The following ANO2 variants were observed in gnomAD, a reference collection of about 807,000 sequenced individuals.
The protein encoded by ANO2 is anoctamin-2.
A neutral mutation model predicts 124.2 loss-of-function variants in ANO2; 101 were observed. The observed-to-expected ratio is 0.81, with a 90% confidence interval of 0.69 to 0.96. The LOEUF is 0.96. ANO2 is among the 40% of genes least tolerant of loss of function. The pLI, the probability that ANO2 is intolerant of heterozygous loss-of-function variation, is 0.00. For missense variants in ANO2, 1,293 were observed against 1,274.5 expected, an observed-to-expected ratio of 1.01 and a Z score of -0.22; for synonymous variants, 486 against 482.5, an observed-to-expected ratio of 1.01 and a Z score of -0.09.
intron 7 of ANO2, among the ~76,000 whole-genome samples, chr12:5,812,970 GAGGA>G (rs1246884423): frequency 2.4e-4 from 29 of 118,450 alleles, no homozygotes; most frequent in African/African-American, 6.3e-4. Context: ...GAGAGGGAGG[GAGGA>G]AGGAAGGAAG....
At chr12:5,818,447 TTATATATATATATATATATATA>T (rs57443240) in intron 7 of ANO2, among the ~76,000 whole-genome samples, 1,587 of 82,944 alleles carry the variant, frequency 0.019, 82 homozygotes, top group African/African-American at 0.057. Flanking sequence ...TAAACTCATA[TTATATATATATATATATATATA>T]TATATATATA....
chr12:5,668,052 CCTTCGGGTATATA>C (rs1335662147), intron 14 of ANO2, among the ~76,000 whole-genome samples: 1 of 152,138 alleles, frequency 6.6e-6, no homozygotes, highest in African/African-American at 2.4e-5. Context: ...GATTTATATT[CCTTCGGGTATATA>C]CTCAGTAATG....
In ANO2 at chr12:5,851,917, G is replaced by T. The variant is rs1379010387; in HGVS notation, c.633+2126C>A. 4 of 737,502 alleles carry T rather than the reference G, an allele frequency of 5.4e-6. No homozygotes were observed. In the Admixed American group the frequency reaches 5.5e-5, roughly 10 times the overall value. 45.7% of individuals were successfully genotyped at this position (737,502 alleles called of 1,614,324 possible). On this transcript the variant is annotated intron_variant, in intron 4 of 24. Coordinates refer to ENST00000682330, the MANE Select transcript of ANO2 (RefSeq NM_001364791.2). ...GTTTCCCCTAAAAGGGTTACCCTGG[G>T]GGATGGAAATCATAACATGGGCATT... is the stretch of plus-strand genomic sequence containing the variant.
intron 19 of ANO2, among the ~76,000 whole-genome samples, chr12:5,610,758 T>C (rs1944491482): frequency 1.0e-5 from 1 of 95,660 alleles, no homozygotes; most frequent in South Asian, 2.9e-4. Context: ...ATAAATAACA[T>C]GGAAAAGGCC....
At chr12:5,857,817 G>GATAGATGC (rs1555174423) in intron 3 of ANO2, among the ~76,000 whole-genome samples, 1 of 147,976 alleles carries the variant, frequency 6.8e-6, no homozygotes, top group East Asian at 2.0e-4. Context: ...TAGATAGATA[G>GATAGATGC]ATGCCCACTG....
In ANO2 at chr12:5,739,334, C is replaced by T. The variant is rs1208690203; in HGVS notation, c.1417G>A (p.Gly473Ser). Residue 473 changes from glycine (G) to serine (S), a missense_variant, in exon 13 of 25, where the codon GGC (glycine) becomes AGC (serine). Physicochemically the swap from Gly to Ser is moderately conservative, Grantham distance 56. Coordinates refer to ENST00000682330, the MANE Select transcript of ANO2 (RefSeq NM_001364791.2). ...GAACTCACTTCTTCCTCTTCTATGC[C>T]AGTCAGGTCCCAAAAGTAGCCCAGT... The part of the protein sequence containing the change: ...MRLGYFWDLT[G>S]IEEEEEHSRP... 3.1e-6 allele frequency: 5 copies of T among 1,605,220 alleles called. No homozygotes were observed. The highest frequency in any genetic ancestry group is 4.3e-6 in the Non-Finnish European group (5 of 1,175,842).
chr12:5,715,780 A>G (rs1264257846), intron 14 of ANO2, among the ~76,000 whole-genome samples: 1 of 152,216 alleles, frequency 6.6e-6, no homozygotes, highest in African/African-American at 2.4e-5. Flanking sequence ...GCAAAGAGGA[A>G]CCCAGAAACC....
At chr12:5,827,597 C>T in intron 7 of ANO2, 172 bp downstream of exon 7, 1 of 733,254 alleles carries the variant, frequency 1.4e-6, no homozygotes, top group Non-Finnish European at 2.3e-6. Flanking sequence ...GAAATGGGAC[C>T]CCCGCTGCTC....
In ANO2 at chr12:5,729,621, T is replaced by G. The variant is rs182453974; in HGVS notation, c.1545+2899A>C. Among the ~76,000 whole-genome samples the G allele has an allele frequency of 2.5e-3, 382 of 151,890 alleles. 2 individuals are homozygous for G. The highest frequency in any genetic ancestry group is 8.8e-3 in the African/African-American group (364 of 41,400). On this transcript the variant is annotated intron_variant, in intron 14 of 24. Coordinates refer to ENST00000682330, the MANE Select transcript of ANO2 (RefSeq NM_001364791.2). ...TGGCAGTTCTTTAAAATGTTAAACA[T>G]AGAGTTACCATATGACCCAGCAATT...
At chr12:5,874,466 T>C (rs1424587559) in intron 3 of ANO2, among the ~76,000 whole-genome samples, 1 of 152,216 alleles carries the variant, frequency 6.6e-6, no homozygotes, top group Non-Finnish European at 1.5e-5. Flanking sequence ...GTGCTTCATA[T>C]TCAATCACTT....
chr12:5,896,247 T>C (rs1397878358), intron 3 of ANO2, among the ~76,000 whole-genome samples: 4 of 152,190 alleles, frequency 2.6e-5, no homozygotes, highest in Admixed American at 1.3e-4. Flanking sequence ...AAAAACCACC[T>C]GTACCACCAA....
rs368443338 is a variant in ANO2 at position 5,915,876 on chromosome 12, C to T, written c.534+5164G>A. ...CCCAAAGGAGGCGACGATTCATTCT[C>T]GATCCTTTTTTTCAGTGGCACACAA... On this transcript the variant is annotated intron_variant, in intron 3 of 24. Coordinates refer to ENST00000682330, the MANE Select transcript of ANO2 (RefSeq NM_001364791.2). 1.1e-4 allele frequency among the ~76,000 whole-genome samples: 16 copies of T among 152,326 alleles called. No homozygotes were observed. In the East Asian group the frequency reaches 1.4e-3, roughly 13 times the overall value.
At position 5,843,319 on chromosome 12, in the gene ANO2, G is replaced by A. The variant is rs144769692; in HGVS notation, c.634-10716C>T. On this transcript the variant is annotated intron_variant, in intron 4 of 24. Coordinates refer to ENST00000682330, the MANE Select transcript of ANO2 (RefSeq NM_001364791.2). ...AATCCCAGAACTTTGGGAGGCCAAGGTGGGCGGATCACTTGCGGTCAGGAG... is the reference window on the plus strand; with the variant it reads ...AATCCCAGAACTTTGGGAGGCCAAGATGGGCGGATCACTTGCGGTCAGGAG... 2.2e-3 allele frequency among the ~76,000 whole-genome samples: 337 copies of A among 152,284 alleles called. 3 individuals carry two copies. The highest frequency in any genetic ancestry group is 7.7e-3 in the African/African-American group (322 of 41,556).
intron 10 of ANO2, among the ~76,000 whole-genome samples, chr12:5,767,528 T>C (rs1013113067): frequency 6.6e-6 from 1 of 152,242 alleles, no homozygotes; most frequent in Non-Finnish European, 1.5e-5. Flanking sequence ...ATTCAGCATC[T>C]ATATGTGCCA....
At position 5,563,255 on chromosome 12, in the gene ANO2, C is replaced by G; in HGVS notation, c.*44G>C. 1 of 1,561,496 alleles carries G rather than the reference C, an allele frequency of 6.4e-7. No homozygotes were observed. The highest frequency in any genetic ancestry group is 8.6e-7 in the Non-Finnish European group (1 of 1,159,328). On this transcript the variant is annotated 3_prime_UTR_variant, in exon 25 of 25. Coordinates refer to ENST00000682330, the MANE Select transcript of ANO2 (RefSeq NM_001364791.2). Reference sequence around the variant, plus strand: ...GTAGGAACATGCTTACGTGCATGTGCGTGTCTCTGCTGCCGTGCCCTCCTC... The same window carrying G: ...GTAGGAACATGCTTACGTGCATGTGGGTGTCTCTGCTGCCGTGCCCTCCTC...
chr12:5,645,389 A>C (rs1229086985), intron 15 of ANO2, among the ~76,000 whole-genome samples: 1 of 152,102 alleles, frequency 6.6e-6, no homozygotes, highest in Non-Finnish European at 1.5e-5. Context: ...ACTCCGTCTC[A>C]AGAAAAAACA....
chr12:5,765,553 T>C (rs951066673), intron 10 of ANO2, among the ~76,000 whole-genome samples: 1 of 152,256 alleles, frequency 6.6e-6, no homozygotes, highest in Non-Finnish European at 1.5e-5. Flanking sequence ...AACCTGGGCA[T>C]GAATCTTGCC....
At position 5,787,446 on chromosome 12, in the gene ANO2, A is replaced by T. The variant is rs1952570383; in HGVS notation, c.1055+12061T>A. On this transcript the variant is annotated intron_variant, in intron 10 of 24. Coordinates refer to ENST00000682330, the MANE Select transcript of ANO2 (RefSeq NM_001364791.2). The surrounding 1 kb of genome is among the most constrained non-coding windows in gnomAD (Gnocchi z 4.2). ...GTGCCTTCCCCCAGCAGTGGGGCAT[A>T]CACATGGTGGAGAAGCCAGACTCAG... 6.6e-6 allele frequency among the ~76,000 whole-genome samples: 1 copy of T among 152,186 alleles called. No individual in the cohort carries two copies. The highest frequency in any genetic ancestry group is 1.5e-5 in the Non-Finnish European group (1 of 68,034).
rs138167836 is a variant in ANO2, at chr12:5,943,277, TTGTGTGTGTGTGTG to T, written c.22+1905_22+1918del. Among the ~76,000 whole-genome samples the T allele has an allele frequency of 1.5e-4, 23 of 148,476 alleles. 1 individual carries two copies. In the South Asian group the frequency reaches 3.4e-3, roughly 22 times the overall value. ...GGGATGTCTGTGTTTGAGTGTGTGT[TTGTGTGTGTGTGTG>T]TGTGTGTGTGTGTGTGTGTGTGTAA... On this transcript the variant is annotated intron_variant, in intron 1 of 24. Coordinates refer to ENST00000682330, the MANE Select transcript of ANO2 (RefSeq NM_001364791.2).
Sources: gnomAD v4.1 joint callset for allele counts (sites outside exome capture counted in the v4.1 genomes callset) on GRCh38, gnomAD v4.1.1 for gene constraint, Gnocchi (gnomAD v3.1) non-coding constraint, MANE v1.5 for transcripts, NCBI Gene and HGNC (gene_info 2026-07-23, HGNC 2026-07-21) for gene names.